Variants in ERC2 observed in about 807,000 individuals in gnomAD.
The protein encoded by ERC2 is ERC protein 2.
ERC2 carries 42 observed loss-of-function variants against 114.8 expected under a neutral mutation model. The ratio of observed to expected loss-of-function variants is 0.37; its 90% CI spans 0.29 to 0.47. ERC2 has a LOEUF of 0.47. ERC2 is among the 20% of genes least tolerant of loss of function. The pLI is 0.99. For synonymous variants in ERC2, 454 were observed against 425.5 expected, an observed-to-expected ratio of 1.07 and a Z score of -0.82; for missense variants, 939 against 1,150.7, an observed-to-expected ratio of 0.82 and a Z score of 2.66.
At chr3:56,042,124 C>G (rs955939715) in intron 7 of ERC2, among the ~76,000 whole-genome samples, 3 of 152,136 alleles carry the variant, frequency 2.0e-5, no homozygotes, top group Admixed American at 2.0e-4. Flanking sequence ...AAGGAACTCT[C>G]AGCCCCCTTC....
chr3:55,657,158 C>T (rs552746517), intron 17 of ERC2: 2 of 152,152 alleles, frequency 1.3e-5, no homozygotes, highest in African/African-American at 2.4e-5. Flanking sequence ...CCCGCTTTTG[C>T]CTCCATGGTT....
intron 7 of ERC2, among the ~76,000 whole-genome samples, chr3:56,032,917 A>AGAGAG (rs1560056305): frequency 4.7e-4 from 36 of 76,030 alleles, no homozygotes; most frequent in Non-Finnish European, 7.6e-4. Flanking sequence ...GAAAGAAAGA[A>AGAGAG]AGAAAGAAAG....
At chr3:56,218,792 T>C (rs558098877) in intron 3 of ERC2, among the ~76,000 whole-genome samples, 2 of 152,210 alleles carry the variant, frequency 1.3e-5, no homozygotes, top group African/African-American at 2.4e-5. Flanking sequence ...ATATACACCA[T>C]GGAATACGAT....
intron 2 of ERC2, among the ~76,000 whole-genome samples, chr3:56,386,410 T>C (rs1479489690): frequency 6.6e-6 from 1 of 152,148 alleles, no homozygotes; most frequent in Non-Finnish European, 1.5e-5. Context: ...TTTATTTTGA[T>C]GGAAAGAACT....
chr3:56,197,277 A>C (rs2150085171), intron 3 of ERC2, among the ~76,000 whole-genome samples: 1 of 152,300 alleles, frequency 6.6e-6, no homozygotes, highest in East Asian at 1.9e-4. Context: ...AATGGTGATA[A>C]TGCTTGCTTC....
intron 7 of ERC2, among the ~76,000 whole-genome samples, chr3:56,040,280 TAGTTTATATGC>T (rs1378911325): frequency 6.6e-6 from 1 of 152,086 alleles, no homozygotes; most frequent in African/African-American, 2.4e-5. Context: ...TTGTTTTATT[TAGTTTATATGC>T]AGTTTATTAT....
chr3:55,932,771 CTGGAAATTTTTTTCAGCGAA>C (rs1399778738), intron 13 of ERC2, among the ~76,000 whole-genome samples: 4 of 152,082 alleles, frequency 2.6e-5, no homozygotes, highest in Non-Finnish European at 5.9e-5. Flanking sequence ...CTGAGCCATC[CTGGAAATTTTTTTCAGCGAA>C]TACTCAGCTA....
intron 17 of ERC2, among the ~76,000 whole-genome samples, chr3:55,630,233 G>T (rs570340235): frequency 6.6e-6 from 1 of 152,164 alleles, no homozygotes; most frequent in Non-Finnish European, 1.5e-5. Flanking sequence ...GCGATGGCGC[G>T]ATCTTGGCTC....
chr3:55,649,256 GA>G (rs2060514263), intron 17 of ERC2, among the ~76,000 whole-genome samples: 1 of 121,312 alleles, frequency 8.2e-6, no homozygotes, highest in African/African-American at 3.0e-5. Flanking sequence ...ATCCAACGCT[GA>G]ATTTTTTTTT....
intron 13 of ERC2, among the ~76,000 whole-genome samples, chr3:55,950,192 C>G (rs1286205220): frequency 6.6e-6 from 1 of 152,160 alleles, no homozygotes; most frequent in Non-Finnish European, 1.5e-5. Context: ...GTACAGGAAC[C>G]AAAAGACTCT....
At chr3:55,806,165 T>C (rs993216496) in intron 14 of ERC2, among the ~76,000 whole-genome samples, 2 of 151,790 alleles carry the variant, frequency 1.3e-5, no homozygotes, top group African/African-American at 4.8e-5. Context: ...TGAAACCCTG[T>C]CTCTACTAAA....
At chr3:56,050,765 C>T (rs893151924) in intron 7 of ERC2, among the ~76,000 whole-genome samples, 2 of 152,206 alleles carry the variant, frequency 1.3e-5, no homozygotes, top group African/African-American at 2.4e-5. Flanking sequence ...TGTTTACTGA[C>T]TAATTTTCCA....
chr3:56,277,958 T>C (rs1368813246), intron 3 of ERC2, among the ~76,000 whole-genome samples: 1 of 152,106 alleles, frequency 6.6e-6, no homozygotes, highest in Non-Finnish European at 1.5e-5. Flanking sequence ...GCCCCCTGAC[T>C]GTGACTTCCT....
chr3:55,542,547 G>A (rs1314215482), intron 17 of ERC2, among the ~76,000 whole-genome samples: 4 of 152,110 alleles, frequency 2.6e-5, no homozygotes, highest in Admixed American at 2.6e-4. Flanking sequence ...CGTTGAGTCC[G>A]TAACTCATGG....
At chr3:56,195,492 C>CGTGT (rs1280567714) in intron 3 of ERC2, among the ~76,000 whole-genome samples, 8 of 60,618 alleles carry the variant, frequency 1.3e-4, no homozygotes, top group Non-Finnish European at 2.8e-4. Flanking sequence ...TTTGTGTGTG[C>CGTGT]GTGTGTGCGT....
chr3:55,577,379 G>A (rs561891256), intron 17 of ERC2, among the ~76,000 whole-genome samples: 2 of 152,308 alleles, frequency 1.3e-5, no homozygotes, highest in South Asian at 4.2e-4. Context: ...GAGAGATGGG[G>A]TAAAAATAAT....
At chr3:55,716,724 G>A (rs952210004) in intron 15 of ERC2, among the ~76,000 whole-genome samples, 2 of 152,268 alleles carry the variant, frequency 1.3e-5, no homozygotes, top group African/African-American at 4.8e-5. Context: ...TGTGCCCTGA[G>A]CAAACAGGCT....
intron 3 of ERC2, among the ~76,000 whole-genome samples, chr3:56,223,730 G>A (rs2050076637): frequency 6.6e-6 from 1 of 152,038 alleles, no homozygotes; most frequent in Admixed American, 6.6e-5. Context: ...TAGTAATAAA[G>A]CAGGGGGCCA....
chr3:56,043,165 AAAG>A (rs200214461), intron 7 of ERC2, among the ~76,000 whole-genome samples: 2,245 of 152,324 alleles, frequency 0.015, 22 homozygotes, highest in Admixed American at 0.028. Flanking sequence ...TGATAGTCAG[AAAG>A]AAGATTTATT....
Sources: allele counts gnomAD v4.1 joint callset (sites outside exome capture counted in the v4.1 genomes callset), GRCh38; gene constraint gnomAD v4.1.1; transcripts MANE v1.5; gene names NCBI Gene and HGNC (gene_info 2026-07-23, HGNC 2026-07-21).